Variants in HGD observed in about 807,000 individuals in gnomAD.
HGD encodes homogentisate 1,2-dioxygenase.
HGD carries 61 observed loss-of-function variants against 60.8 expected under a neutral mutation model. That is an observed-to-expected ratio of 1.00 (90% CI 0.82 to 1.24). The LOEUF is 1.24. Ranked by LOEUF, HGD falls within the 50% of genes most tolerant of loss-of-function variation. The probability of loss-of-function intolerance (pLI) is 0.00; values close to 1 mark genes in which losing one functional copy is unlikely to be tolerated. For missense variants in HGD, 542 were observed against 547.1 expected (o/e 0.99, Z 0.09); for synonymous variants, 212 against 187.7 (o/e 1.13, Z -1.06).
chr3:120,640,726 C>T (rs900687784), intron 11 of HGD, among the ~76,000 whole-genome samples: 2 of 152,100 alleles, frequency 1.3e-5, no homozygotes, highest in African/African-American at 4.8e-5. Context: ...GATCCTTTTT[C>T]GTGCTGTTTG....
chr3:120,681,568 C>T (rs1862937), intron 1 of HGD, among the ~76,000 whole-genome samples: 69,599 of 152,050 alleles, frequency 0.46, 16,827 homozygotes, highest in African/African-American at 0.6. Context: ...TAATTCATAG[C>T]TAAAATGCTT....
Position 120,650,861 on chromosome 3 carries a change from A to G in HGD, c.347T>C (p.Leu116Pro), listed in dbSNP as rs569846003. ...SQKKVDFVSGLHTLCGAGDIK... is the reference protein window; with the variant it reads ...SQKKVDFVSGPHTLCGAGDIK... The stretch of plus-strand genomic sequence containing the variant: ...GTCTCCAGCTCCACACAAGGTATGC[A>G]GGCCCTGGGAGAGACCCACAGAAGA... The change falls in exon 6 of 14, where the codon CTG becomes CCG. Residue 116 changes from leucine to proline, a missense_variant. Physicochemically the swap from Leu to Pro is moderately conservative, Grantham distance 98. Coordinates refer to ENST00000283871, the MANE Select transcript of HGD (RefSeq NM_000187.4). The G allele has an allele frequency of 2.4e-5, 39 of 1,612,988 alleles. No homozygotes were observed. The South Asian group carries it at 4.2e-4, about 17-fold the overall frequency.
intron 12 of HGD, among the ~76,000 whole-genome samples, chr3:120,637,964 T>A (rs1308414570): frequency 1.3e-5 from 2 of 152,162 alleles, no homozygotes; most frequent in Non-Finnish European, 2.9e-5. Context: ...TGGAGGCAGA[T>A]CCCTCATAAA....
chr3:120,663,525 C>G (rs1707827600), intron 4 of HGD, among the ~76,000 whole-genome samples: 2 of 152,072 alleles, frequency 1.3e-5, no homozygotes, highest in African/African-American at 4.8e-5. Flanking sequence ...CGTGGGAATT[C>G]AAGATGAGAT....
chr3:120,652,518 G>T, intron 5 of HGD, 74 bp downstream of exon 5: 1 of 1,096,040 alleles, frequency 9.1e-7, no homozygotes, highest in Non-Finnish European at 1.4e-6. Flanking sequence ...TTGGCATTCA[G>T]GCTGCAAATG....
chr3:120,629,074 G>A lies in HGD; in HGVS notation c.1189-545C>T, dbSNP rs750493377. Among the ~76,000 whole-genome samples the A allele has an allele frequency of 5.3e-4, 80 of 152,214 alleles. 1 individual carries two copies. The highest frequency in any genetic ancestry group is 9.3e-4 in the Non-Finnish European group (63 of 68,032). ...TGGGAAAAGGGAAAAAGGGAGTGGG[G>A]AGGAGAGGGAGGTGAAGGAAATGGC... On this transcript the variant is annotated intron_variant, in intron 13 of 13. Transcript: ENST00000283871.
At chr3:120,632,059 C>T (rs1157555752) in intron 13 of HGD, among the ~76,000 whole-genome samples, 1 of 152,176 alleles carries the variant, frequency 6.6e-6, no homozygotes, top group Non-Finnish European at 1.5e-5. Context: ...GACTGCATCT[C>T]TTTGAGATGT....
chr3:120,628,985 C>A (rs149462547), intron 13 of HGD, among the ~76,000 whole-genome samples: 1 of 152,050 alleles, frequency 6.6e-6, no homozygotes, highest in South Asian at 2.1e-4. Flanking sequence ...TTGCTTAAGG[C>A]GACAAGTCAT....
intron 4 of HGD, among the ~76,000 whole-genome samples, chr3:120,664,548 C>T (rs1244257251): frequency 2.6e-5 from 4 of 151,632 alleles, no homozygotes; most frequent in Non-Finnish European, 4.4e-5. Flanking sequence ...CCACCTCAGC[C>T]TCCTGAGTGC....
intron 3 of HGD, among the ~76,000 whole-genome samples, chr3:120,671,472 T>C (rs1475271791): frequency 2.0e-5 from 3 of 152,166 alleles, no homozygotes; most frequent in Non-Finnish European, 4.4e-5. Context: ...CTTTTTGATA[T>C]TAATTTATAA....
intron 11 of HGD, among the ~76,000 whole-genome samples, chr3:120,639,757 T>C (rs1415084850): frequency 1.3e-5 from 2 of 152,220 alleles, no homozygotes; most frequent in Non-Finnish European, 2.9e-5. Context: ...AAGTGGTTCA[T>C]TGCTTTCCTA....
At chr3:120,661,646 G>A (rs192889419) in intron 4 of HGD, among the ~76,000 whole-genome samples, 24 of 152,326 alleles carry the variant, frequency 1.6e-4, no homozygotes, top group African/African-American at 4.8e-4. Flanking sequence ...AGAGATATAA[G>A]CAATGAAATC....
At position 120,674,898 on chromosome 3, in the gene HGD, T is replaced by C; in HGVS notation, c.176+3A>G. On this transcript the variant is annotated splice_donor_region_variant and intron_variant, in intron 3 of 13. Transcript: ENST00000283871. ...CAGGTCAGAATTCATCTAATCCTTGTACCTTCTCTTATTGGTGCTCCGTGG... is the reference window on the plus strand; with the variant it reads ...CAGGTCAGAATTCATCTAATCCTTGCACCTTCTCTTATTGGTGCTCCGTGG... The C allele has an allele frequency of 6.3e-7, 1 of 1,596,474 alleles. No homozygotes were observed. Among genetic ancestry groups the C allele is most frequent in the African/African-American group, 1.3e-5 (1 of 74,588 alleles).
intron 7 of HGD, 78 bp from the exon 8 acceptor site, chr3:120,647,130 C>T (rs1941191194): frequency 1.3e-5 from 14 of 1,107,938 alleles, no homozygotes; most frequent in Non-Finnish European, 1.9e-5. Context: ...AGGCTTAAGG[C>T]TGCATTTGCT....
At chr3:120,650,718 C>T in intron 6 of HGD, 56 bp downstream of exon 6, 1 of 1,340,654 alleles carries the variant, frequency 7.5e-7, no homozygotes, top group Non-Finnish European at 1.1e-6. Flanking sequence ...AGTTTGACTT[C>T]TGGCCAAAAT....
chr3:120,674,691 C>T, intron 3 of HGD: 1 of 542,212 alleles, frequency 1.8e-6, no homozygotes, highest in African/African-American at 1.9e-5. Context: ...TTTCCCAGCT[C>T]TGTGCAGCTT....
rs182510026 is a variant in HGD, at chr3:120,670,422, G to A, written c.282+5C>T. 1.4e-6 allele frequency: 2 copies of A among 1,469,310 alleles called. No homozygotes were observed. Among genetic ancestry groups the A allele is most frequent in the Non-Finnish European group, 1.9e-6 (2 of 1,047,844 alleles). 91.0% of individuals were successfully genotyped at this position (1,469,310 alleles called of 1,614,324 possible). A position where few individuals can be genotyped will look rare whatever the true frequency, so the allele number is the denominator to read the frequency against. On this transcript the variant is annotated splice_donor_5th_base_variant and intron_variant, in intron 4 of 13. Coordinates refer to ENST00000283871, the MANE Select transcript of HGD (RefSeq NM_000187.4). ...GATAAGCTTCAATTCACAGGACCAGGTTACCTGGTTAGGATCAGGATCAAC... is the reference window on the plus strand; with the variant it reads ...GATAAGCTTCAATTCACAGGACCAGATTACCTGGTTAGGATCAGGATCAAC...
chr3:120,637,286 CTT>C (rs534619774), intron 12 of HGD, among the ~76,000 whole-genome samples: 2 of 130,560 alleles, frequency 1.5e-5, no homozygotes, highest in Non-Finnish European at 3.1e-5. Flanking sequence ...CTTAATCCCT[CTT>C]GTGTCAGTTT....
intron 1 of HGD, among the ~76,000 whole-genome samples, chr3:120,678,324 G>A (rs1311824869): frequency 6.6e-6 from 1 of 152,188 alleles, no homozygotes; most frequent in African/African-American, 2.4e-5. Context: ...TCTGTGAAAT[G>A]GAATTTTAGA....
Sources: gnomAD v4.1 joint callset for allele counts (sites outside exome capture counted in the v4.1 genomes callset) on GRCh38, gnomAD v4.1.1 for gene constraint, MANE v1.5 for transcripts, NCBI Gene and HGNC (gene_info 2026-07-23, HGNC 2026-07-21) for gene names.